Variants in SPIDR observed in about 807,000 individuals in gnomAD.
SPIDR encodes DNA repair-scaffolding protein.
Under a neutral mutation model 104.6 loss-of-function variants are expected in SPIDR, and 93 were observed. That is an observed-to-expected ratio of 0.89 (90% CI 0.75 to 1.06). The LOEUF is 1.06. Ranked by LOEUF, SPIDR falls within the 50% of genes least tolerant of loss-of-function variation. The pLI, the probability that SPIDR is intolerant of heterozygous loss-of-function variation, is 0.00. For missense variants in SPIDR, 1,154 were observed against 1,111.2 expected (o/e 1.04, Z -0.55); for synonymous variants, 431 against 416.9 (o/e 1.03, Z -0.41).
intron 10 of SPIDR, chr8:47,660,535 T>C: frequency 1.0e-6 from 1 of 985,268 alleles, no homozygotes; most frequent in Non-Finnish European, 1.2e-6. Flanking sequence ...TGCTACCCTG[T>C]TCCCCTGGAA....
At chr8:47,479,138 C>G (rs2076599929) in intron 8 of SPIDR, among the ~76,000 whole-genome samples, 3 of 151,934 alleles carry the variant, frequency 2.0e-5, no homozygotes, top group African/African-American at 7.3e-5. Flanking sequence ...GCAGGCAGAT[C>G]ACTTGAGGCC....
At chr8:47,311,781 C>T (rs1554585341) in intron 5 of SPIDR, among the ~76,000 whole-genome samples, 2 of 151,792 alleles carry the variant, frequency 1.3e-5, no homozygotes, top group African/African-American at 4.8e-5. Flanking sequence ...GGGTTTGTTA[C>T]ATATGTATAC....
chr8:47,339,336 C>T (rs2050304857), intron 5 of SPIDR, among the ~76,000 whole-genome samples: 1 of 152,168 alleles, frequency 6.6e-6, no homozygotes, highest in Non-Finnish European at 1.5e-5. Flanking sequence ...CTATGGAGAA[C>T]TAACCTAACA....
intron 5 of SPIDR, among the ~76,000 whole-genome samples, chr8:47,340,807 A>C (rs1437275959): frequency 6.6e-6 from 1 of 152,148 alleles, no homozygotes; most frequent in Non-Finnish European, 1.5e-5. Flanking sequence ...TCTGGATACT[A>C]AAGCTCAGTG....
intron 10 of SPIDR, among the ~76,000 whole-genome samples, chr8:47,652,298 C>T (rs2071798537): frequency 6.6e-6 from 1 of 151,986 alleles, no homozygotes; most frequent in African/African-American, 2.4e-5. Context: ...CATTTGGAGC[C>T]AATGTGCAGA....
intron 10 of SPIDR, among the ~76,000 whole-genome samples, chr8:47,605,804 C>G (rs2062863228): frequency 6.6e-6 from 1 of 152,166 alleles, no homozygotes; most frequent in Non-Finnish European, 1.5e-5. Context: ...CACTCTTTAA[C>G]AGTAAGCATA....
At chr8:47,720,416 G>A (rs1368695036) in intron 16 of SPIDR, among the ~76,000 whole-genome samples, 1 of 152,212 alleles carries the variant, frequency 6.6e-6, no homozygotes, top group Non-Finnish European at 1.5e-5. Context: ...AAAGTTGGCT[G>A]TATCATTTTG....
At chr8:47,359,252 C>A (rs1413051123) in intron 5 of SPIDR, among the ~76,000 whole-genome samples, 1,070 of 114,304 alleles carry the variant, frequency 9.4e-3, no homozygotes, top group African/African-American at 0.012. Flanking sequence ...GACTCCGTCT[C>A]AAAAAAAAAA....
chr8:47,622,939 AC>A (rs1333125305), intron 10 of SPIDR, among the ~76,000 whole-genome samples: 1 of 152,116 alleles, frequency 6.6e-6, no homozygotes, highest in Non-Finnish European at 1.5e-5. Context: ...GTGCCAGGAC[AC>A]CCATGTTCTT....
At chr8:47,585,601 A>T (rs1244652060) in intron 8 of SPIDR, among the ~76,000 whole-genome samples, 5 of 152,110 alleles carry the variant, frequency 3.3e-5, no homozygotes, top group Non-Finnish European at 4.4e-5. Context: ...TGGGTAACTT[A>T]TAAAGAAGAG....
At chr8:47,727,340 C>T (rs764721437) in intron 17 of SPIDR, 47 bp downstream of exon 17, 1 of 1,564,950 alleles carries the variant, frequency 6.4e-7, no homozygotes, top group Non-Finnish European at 8.8e-7. Flanking sequence ...TGAAAGGGCA[C>T]AGAAGCAACC....
chr8:47,729,269 A>C (rs1256908519), intron 18 of SPIDR, 143 bp from the exon 19 acceptor site: 5 of 1,426,530 alleles, frequency 3.5e-6, no homozygotes, highest in Non-Finnish European at 4.7e-6. Context: ...GTTAAAACAC[A>C]TCTTTGACCT....
intron 11 of SPIDR, among the ~76,000 whole-genome samples, chr8:47,683,584 C>G (rs1449714062): frequency 1.3e-5 from 2 of 152,160 alleles, no homozygotes; most frequent in Non-Finnish European, 2.9e-5. Flanking sequence ...TTTCAAATTT[C>G]TGATTTTTAT....
chr8:47,269,127 A>G (rs1307746020), intron 1 of SPIDR, among the ~76,000 whole-genome samples: 4 of 144,418 alleles, frequency 2.8e-5, no homozygotes, highest in African/African-American at 1.0e-4. Context: ...TGATTGTGCT[A>G]CTGCACTCCA....
At chr8:47,526,110 G>A (rs1277865354) in intron 8 of SPIDR, among the ~76,000 whole-genome samples, 1 of 152,174 alleles carries the variant, frequency 6.6e-6, no homozygotes, top group Non-Finnish European at 1.5e-5. Context: ...TTTGCGGAAG[G>A]GACAGAAAGG....
At chr8:47,381,321 TA>T (rs1563795786) in intron 5 of SPIDR, among the ~76,000 whole-genome samples, 1 of 152,238 alleles carries the variant, frequency 6.6e-6, no homozygotes, top group Admixed American at 6.5e-5. Context: ...CAGCCACCAG[TA>T]CTCTTTCATT....
intron 7 of SPIDR, among the ~76,000 whole-genome samples, chr8:47,437,672 A>G (rs566833443): frequency 3.8e-4 from 58 of 152,202 alleles, no homozygotes; most frequent in Middle Eastern, 6.8e-3. Context: ...AGAAATGCAA[A>G]TCAAAACCAC....
chr8:47,690,906 G>A (rs1270026894), intron 11 of SPIDR, among the ~76,000 whole-genome samples: 1 of 152,158 alleles, frequency 6.6e-6, no homozygotes, highest in Non-Finnish European at 1.5e-5. Flanking sequence ...ATAAATTTAA[G>A]CAGAGATTCA....
intron 10 of SPIDR, among the ~76,000 whole-genome samples, chr8:47,663,820 A>G (rs1277155221): frequency 6.6e-6 from 1 of 152,236 alleles, no homozygotes; most frequent in East Asian, 1.9e-4. Context: ...TCCAATGGAA[A>G]TAAATCAAAG....
Sources: gnomAD v4.1 joint callset for allele counts (sites outside exome capture counted in the v4.1 genomes callset) on GRCh38, gnomAD v4.1.1 for gene constraint, MANE v1.5 for transcripts, NCBI Gene and HGNC (gene_info 2026-07-23, HGNC 2026-07-21) for gene names.